The following ST3GAL6 variants were observed in gnomAD, a reference collection of about 807,000 sequenced individuals.
ST3GAL6 encodes type 2 lactosamine alpha-2,3-sialyltransferase.
In ST3GAL6, 31 loss-of-function variants were observed where a neutral mutation model predicts 40.5. The observed-to-expected ratio is 0.77, with a 90% CI of 0.58 to 1.03. ST3GAL6 has a LOEUF of 1.03. Ranked by LOEUF, ST3GAL6 falls within the 50% of genes least tolerant of loss-of-function variation. The pLI is 0.00. For missense variants in ST3GAL6, 357 were observed against 393.2 expected, an observed-to-expected ratio of 0.91 and a Z score of 0.78; for synonymous variants, 129 against 136.9, an observed-to-expected ratio of 0.94 and a Z score of 0.40.
chr3:98,735,871 C>T (rs1210785726), intron 1 of ST3GAL6, among the ~76,000 whole-genome samples: 1 of 152,222 alleles, frequency 6.6e-6, no homozygotes, highest in Non-Finnish European at 1.5e-5. Flanking sequence ...ACAATTCCCT[C>T]ACCATTGTGG....
chr3:98,773,981 C>G lies in ST3GAL6; in HGVS notation c.333C>G (p.Asp111Glu). ...LQSCDLFDEF[D>E]NIPCKKCVVV... ...GTTGTGATCTCTTTGATGAGTTTGA[C>G]AAGTGAGTTTATTTCCTTGCTTCTA... The change falls in exon 5 of 10, where the codon GAC (aspartate) becomes GAG (glutamate). Residue 111 changes from aspartate (D) to glutamate (E), a missense_variant and splice_region_variant. Asp to Glu is a conservative substitution (Grantham distance 45, BLOSUM62 2). Transcript: ENST00000483910. 6.2e-7 allele frequency: 1 copy of G among 1,611,674 alleles called. No individual in the cohort carries two copies. Among genetic ancestry groups the G allele is most frequent in the Non-Finnish European group, 8.5e-7 (1 of 1,178,220 alleles).
At chr3:98,756,611 T>C in intron 1 of ST3GAL6, 1 of 1,105,660 alleles carries the variant, frequency 9.0e-7, no homozygotes, top group South Asian at 1.8e-5. Context: ...AATGTTCTTA[T>C]ACAATGCTTC....
intron 1 of ST3GAL6, among the ~76,000 whole-genome samples, chr3:98,740,485 G>C (rs1935984443): frequency 6.6e-6 from 1 of 151,936 alleles, no homozygotes; most frequent in South Asian, 2.1e-4. Context: ...TAGTGCTTCA[G>C]CTCAGGCTGT....
chr3:98,766,293 TACTG>T (rs1473605200), intron 1 of ST3GAL6, among the ~76,000 whole-genome samples: 6 of 151,996 alleles, frequency 3.9e-5, no homozygotes, highest in African/African-American at 1.5e-4. Context: ...GACTTGTAAA[TACTG>T]ACTTCTTTCC....
intron 2 of ST3GAL6, among the ~76,000 whole-genome samples, chr3:98,769,346 G>A (rs1938715876): frequency 6.6e-6 from 1 of 152,224 alleles, no homozygotes; most frequent in Non-Finnish European, 1.5e-5. Context: ...AAAACCCAAT[G>A]CCAGGTGGAT....
chr3:98,763,081 G>A (rs1045545581), upstream of ST3GAL6: 206 of 985,296 alleles, frequency 2.1e-4, no homozygotes, highest in Non-Finnish European at 2.4e-4. Flanking sequence ...ATTCATCACT[G>A]TGGAGTCCTG....
At chr3:98,755,085 T>C (rs1359357019) in intron 1 of ST3GAL6, among the ~76,000 whole-genome samples, 1 of 152,254 alleles carries the variant, frequency 6.6e-6, no homozygotes, top group African/African-American at 2.4e-5. Flanking sequence ...TCTCGCTCTG[T>C]CGCCCAGCCT....
At chr3:98,781,228 A>G (rs1269873462) in intron 5 of ST3GAL6, among the ~76,000 whole-genome samples, 1 of 152,208 alleles carries the variant, frequency 6.6e-6, no homozygotes, top group Non-Finnish European at 1.5e-5. Context: ...TAACACAGGA[A>G]CAGAAAACCA....
At chr3:98,762,070 A>G (rs1937834395), upstream of ST3GAL6, among the ~76,000 whole-genome samples, 1 of 120,958 alleles carries the variant, frequency 8.3e-6, no homozygotes. Flanking sequence ...ATCTGTCTAC[A>G]TGTGCTAAGG....
Position 98,772,822 on chromosome 3 carries a change from G to A in ST3GAL6, c.177G>A (p.Gln59=). ...TATCCTTTCCTTCCAGGTTTCATCA[G>A]TTTCACCCTTTTCTGTGTGCGGCTG... ...PAFASLLRFH[Q]FHPFLCAADF... Residue 59 remains glutamine, a synonymous_variant, in exon 4 of 10, where the codon CAG becomes CAA. Transcript: ENST00000483910. 1.9e-6 allele frequency: 3 copies of A among 1,612,668 alleles called. No individual in the cohort carries two copies. Among genetic ancestry groups the A allele is most frequent in the Non-Finnish European group, 2.5e-6 (3 of 1,178,926 alleles).
At chr3:98,778,591 G>A (rs1939774462) in intron 5 of ST3GAL6, among the ~76,000 whole-genome samples, 1 of 152,216 alleles carries the variant, frequency 6.6e-6, no homozygotes, top group Non-Finnish European at 1.5e-5. Context: ...GTGGTCAGAT[G>A]TTGGGTAAAG....
At chr3:98,737,922 C>A (rs183712667) in intron 1 of ST3GAL6, among the ~76,000 whole-genome samples, 3 of 152,274 alleles carry the variant, frequency 2.0e-5, no homozygotes, top group African/African-American at 7.2e-5. Flanking sequence ...TGTGCCCCCA[C>A]CCAAATCTCA....
At chr3:98,766,405 C>CTTTTTTTTTTTTTTTTTTTTTTT (rs369996406) in intron 1 of ST3GAL6, among the ~76,000 whole-genome samples, 1 of 104,104 alleles carries the variant, frequency 9.6e-6, no homozygotes, top group African/African-American at 4.1e-5. Flanking sequence ...AAATGTCATT[C>CTTTTTTTTTTTTTTTTTTTTTTT]TTTTTTTTTT....
chr3:98,789,353 C>T (rs1023211813), intron 8 of ST3GAL6, among the ~76,000 whole-genome samples: 1 of 152,186 alleles, frequency 6.6e-6, no homozygotes, highest in African/African-American at 2.4e-5. Context: ...CCAGTCTATT[C>T]TCTTCCCTCT....
At chr3:98,750,297 G>T (rs566337291) in intron 1 of ST3GAL6, among the ~76,000 whole-genome samples, 1 of 152,088 alleles carries the variant, frequency 6.6e-6, no homozygotes, top group South Asian at 2.1e-4. Context: ...TACTGGTTGG[G>T]GTATGACCTT....
At chr3:98,755,754 T>C (rs966188185) in intron 1 of ST3GAL6, among the ~76,000 whole-genome samples, 1 of 152,170 alleles carries the variant, frequency 6.6e-6, no homozygotes, top group African/African-American at 2.4e-5. Context: ...TGTCTGTGTG[T>C]GTGTGTTAGT....
chr3:98,745,818 AT>A (rs1936498703), intron 1 of ST3GAL6, among the ~76,000 whole-genome samples: 1 of 152,198 alleles, frequency 6.6e-6, no homozygotes, highest in Non-Finnish European at 1.5e-5. Context: ...ATTTTATGTA[AT>A]TGAAAAAATA....
chr3:98,792,116 C>A, intron 9 of ST3GAL6, 123 bp downstream of exon 9: 2 of 925,782 alleles, frequency 2.2e-6, no homozygotes, highest in East Asian at 2.8e-5. Context: ...GGGTTGAGGG[C>A]TTGATGGTGA....
intron 1 of ST3GAL6, among the ~76,000 whole-genome samples, chr3:98,753,060 G>A (rs1470033059): frequency 6.6e-6 from 1 of 152,182 alleles, no homozygotes; most frequent in East Asian, 1.9e-4. Context: ...AGCTTAGTGA[G>A]GAAAGCCTGT....
Sources: gnomAD v4.1 joint callset for allele counts (sites outside exome capture counted in the v4.1 genomes callset) on GRCh38, gnomAD v4.1.1 for gene constraint, MANE v1.5 for transcripts, NCBI Gene and HGNC (gene_info 2026-07-23, HGNC 2026-07-21) for gene names.